The following TCN2 variants were observed in gnomAD, a reference collection of about 807,000 sequenced individuals.
TCN2 encodes transcobalamin-2.
In TCN2, 34 loss-of-function variants were observed where a neutral mutation model predicts 48.6. That is an observed-to-expected ratio of 0.70 (90% CI 0.53 to 0.93). TCN2 has a LOEUF of 0.93. TCN2 is among the 40% of genes least tolerant of loss of function. TCN2 has a pLI of 0.00. For synonymous variants in TCN2, 283 were observed against 212.5 expected (o/e 1.33, Z -2.89); for missense variants, 652 against 526.1 (o/e 1.24, Z -2.34).
At chr22:30,623,812 A>G (rs1260256849) in intron 8 of TCN2, among the ~76,000 whole-genome samples, 1 of 67,346 alleles carries the variant, frequency 1.5e-5, no homozygotes, top group South Asian at 3.2e-4. Flanking sequence ...ATACACATAT[A>G]TACACACACA....
rs778331821 is a variant in TCN2, at chr22:30,614,330, C to CT, written c.428-18dup. On this transcript the variant is annotated intron_variant, in intron 3 of 8. Coordinates refer to ENST00000215838, the MANE Select transcript of TCN2 (RefSeq NM_000355.4). ...GGGTGGGGGCAGAGAGGCAACCCCT[C>CT]TGTTTTTTTCCCTCTCAGGGCATGA... The CT allele has an allele frequency of 3.4e-5, 55 of 1,613,732 alleles. No homozygotes were observed. The highest frequency in any genetic ancestry group is 4.5e-5 in the Non-Finnish European group (53 of 1,179,840).
intron 4 of TCN2, among the ~76,000 whole-genome samples, chr22:30,614,907 T>G (rs1284444505): frequency 6.6e-6 from 1 of 152,104 alleles, no homozygotes; most frequent in Non-Finnish European, 1.5e-5. Flanking sequence ...AGTGAGACTC[T>G]GTCTCAAAAA....
intron 1 of TCN2, chr22:30,610,244 G>GA (rs2087516440): frequency 2.1e-6 from 1 of 471,188 alleles, no homozygotes; most frequent in Non-Finnish European, 4.4e-6. Flanking sequence ...GAGATGGCAG[G>GA]AAAGGCGTTA....
At chr22:30,613,887 A>G (rs1489057719) in intron 3 of TCN2, among the ~76,000 whole-genome samples, 3 of 151,958 alleles carry the variant, frequency 2.0e-5, no homozygotes, top group Admixed American at 6.6e-5. Context: ...CTCCAGCCAT[A>G]CCATCTCTCA....
chr22:30,609,297 C>T (rs2087500377), intron 1 of TCN2, among the ~76,000 whole-genome samples: 1 of 152,072 alleles, frequency 6.6e-6, no homozygotes, highest in Non-Finnish European at 1.5e-5. Context: ...GCCACTCTGT[C>T]TGGCTCCTGT....
At chr22:30,622,266 G>T (rs951762565) in intron 7 of TCN2, among the ~76,000 whole-genome samples, 9 of 151,870 alleles carry the variant, frequency 5.9e-5, no homozygotes, top group Admixed American at 2.0e-4. Flanking sequence ...GGATTACAGG[G>T]TTGAGCCACT....
chr22:30,613,081 G>A (rs1166183654), intron 3 of TCN2, 39 bp downstream of exon 3: 1 of 1,610,090 alleles, frequency 6.2e-7, no homozygotes, highest in Non-Finnish European at 8.5e-7. Context: ...GGAGCAGCTG[G>A]GAGGGCTCAT....
At chr22:30,611,220 G>T (rs1165509427) in intron 2 of TCN2, 157 bp downstream of exon 2, 5 of 893,514 alleles carry the variant, frequency 5.6e-6, no homozygotes. Context: ...TAGAATGAAG[G>T]GGTTGGTTGG....
chr22:30,617,973 TC>T (rs2087639432), intron 7 of TCN2, among the ~76,000 whole-genome samples: 1 of 152,188 alleles, frequency 6.6e-6, no homozygotes, highest in Admixed American at 6.6e-5. Context: ...AGGGTCTCAA[TC>T]TTATCACCCA....
chr22:30,619,963 G>T (rs993677702), intron 7 of TCN2, among the ~76,000 whole-genome samples: 3 of 152,086 alleles, frequency 2.0e-5, no homozygotes, highest in African/African-American at 7.2e-5. Context: ...AGACCAGCCT[G>T]GGCAACATAG....
chr22:30,607,538 C>T lies in TCN2; in HGVS notation c.64+143C>T, dbSNP rs532558801. 1.5e-5 allele frequency: 11 copies of T among 754,806 alleles called. No individual in the cohort carries two copies. The South Asian group carries it at 1.8e-4, about 12-fold the overall frequency. The allele number at this position is 754,806 out of a possible 1,614,324, so 46.8% of individuals were successfully genotyped here. ...GCTGGACCTCAGCATTTAACACATC[C>T]TATTGTGATTGATTATATGTTTGAC... On this transcript the variant is annotated intron_variant, in intron 1 of 8. Coordinates refer to ENST00000215838, the MANE Select transcript of TCN2 (RefSeq NM_000355.4).
intron 8 of TCN2, among the ~76,000 whole-genome samples, chr22:30,625,839 T>G (rs921390680): frequency 3.9e-5 from 6 of 152,120 alleles, no homozygotes; most frequent in South Asian, 4.1e-4. Context: ...CCCTAAGGCC[T>G]CCTGATACCA....
Position 30,626,322 on chromosome 22 carries a change from G to A in TCN2, c.1223-138G>A, listed in dbSNP as rs2087809151. On this transcript the variant is annotated intron_variant, in intron 8 of 8. Transcript: ENST00000215838. Reference sequence around the variant, plus strand: ...TCAGAGTCTTTGAGCAGGCTTTAGGGAGGTTCCAGCTTCCCACCACCAAGC... The same window carrying A: ...TCAGAGTCTTTGAGCAGGCTTTAGGAAGGTTCCAGCTTCCCACCACCAAGC... 1.1e-5 allele frequency: 9 copies of A among 857,062 alleles called. No homozygotes were observed. In the South Asian group the frequency reaches 1.3e-4, roughly 12 times the overall value. The allele number at this position is 857,062 out of a possible 1,614,324, so 53.1% of individuals were successfully genotyped here.
At chr22:30,613,571 G>T (rs994586114) in intron 3 of TCN2, among the ~76,000 whole-genome samples, 2 of 152,082 alleles carry the variant, frequency 1.3e-5, no homozygotes, top group Non-Finnish European at 2.9e-5. Context: ...GAGCCACTGC[G>T]TTAGGCCCAC....
chr22:30,608,704 C>T (rs2087490205), intron 1 of TCN2, among the ~76,000 whole-genome samples: 1 of 152,060 alleles, frequency 6.6e-6, no homozygotes, highest in African/African-American at 2.4e-5. Context: ...CTCCAAGCCT[C>T]TCATCTGTGT....
At chr22:30,612,529 A>C (rs1248076945) in intron 2 of TCN2, among the ~76,000 whole-genome samples, 1 of 152,188 alleles carries the variant, frequency 6.6e-6, no homozygotes, top group African/African-American at 2.4e-5. Context: ...CAGCCTGGGC[A>C]ACAAGAGCGA....
intron 7 of TCN2, among the ~76,000 whole-genome samples, chr22:30,618,390 C>G (rs2009857): frequency 1.3e-5 from 2 of 151,788 alleles, no homozygotes; most frequent in Non-Finnish European, 2.9e-5. Flanking sequence ...CTCTCTCTTT[C>G]ACCTAGGCTG....
chr22:30,626,211 G>A (rs1333232019), intron 8 of TCN2, among the ~76,000 whole-genome samples: 1 of 152,090 alleles, frequency 6.6e-6, no homozygotes, highest in East Asian at 1.9e-4. Flanking sequence ...GGTCCCTAGG[G>A]TATTACAAAG....
chr22:30,614,440 C>T lies in TCN2; in HGVS notation c.519C>T (p.Asp173=), dbSNP rs769513711. 3.7e-6 allele frequency: 6 copies of T among 1,614,188 alleles called. No homozygotes were observed. The highest frequency in any genetic ancestry group is 1.6e-4 in the Middle Eastern group (1 of 6,062). Reference sequence around the variant, plus strand: ...GTCTCCACCAGAAGCGGGTCCATGACAGCGTGGTGGACAAACTTCTGTATG... The same window carrying T: ...GTCTCCACCAGAAGCGGGTCCATGATAGCGTGGTGGACAAACTTCTGTATG... ...ALCLHQKRVH[D]SVVDKLLYAV... Residue 173 remains aspartate, a synonymous_variant, in exon 4 of 9, where the codon GAC becomes GAT. Coordinates refer to ENST00000215838, the MANE Select transcript of TCN2 (RefSeq NM_000355.4).
Sources: gnomAD v4.1 joint callset for allele counts (sites outside exome capture counted in the v4.1 genomes callset) on GRCh38, gnomAD v4.1.1 for gene constraint, MANE v1.5 for transcripts, NCBI Gene and HGNC (gene_info 2026-07-23, HGNC 2026-07-21) for gene names.